The following RBMS3 variants were observed in gnomAD, a reference collection of about 807,000 sequenced individuals.
RBMS3 encodes RNA-binding motif, single-stranded-interacting protein 3.
A neutral mutation model predicts 66.8 loss-of-function variants in RBMS3; 27 were observed. The observed-to-expected ratio is 0.40, with a 90% confidence interval of 0.30 to 0.56. The LOEUF is 0.56. Among genes scored for constraint, RBMS3 ranks in the 20% least tolerant of loss-of-function variants. The pLI, the probability that RBMS3 is intolerant of heterozygous loss-of-function variation, is 0.40. For missense variants in RBMS3, 513 were observed against 549.5 expected, an observed-to-expected ratio of 0.93 and a Z score of 0.66; for synonymous variants, 188 against 183.0, an observed-to-expected ratio of 1.03 and a Z score of -0.22.
intron 6 of RBMS3, among the ~76,000 whole-genome samples, chr3:29,782,159 TATCC>T (rs1229745240): frequency 1.3e-5 from 2 of 152,096 alleles, no homozygotes; most frequent in East Asian, 3.9e-4. Context: ...GGCAAGTTTG[TATCC>T]TTATAGGACC....
intron 1 of RBMS3, among the ~76,000 whole-genome samples, chr3:29,369,062 C>A (rs2038053750): frequency 6.6e-6 from 1 of 152,014 alleles, no homozygotes; most frequent in South Asian, 2.1e-4. Context: ...AAAGCAGGAA[C>A]AACAAGCCAA....
chr3:29,738,463 AATTC>A (rs1306232676), intron 4 of RBMS3, among the ~76,000 whole-genome samples: 20 of 152,196 alleles, frequency 1.3e-4, no homozygotes, highest in Non-Finnish European at 2.4e-4. Flanking sequence ...CTAAATTATT[AATTC>A]ATTATATAAA....
At chr3:29,923,232 A>G (rs1028523947) in intron 10 of RBMS3, among the ~76,000 whole-genome samples, 4 of 152,186 alleles carry the variant, frequency 2.6e-5, no homozygotes, top group Non-Finnish European at 5.9e-5. Context: ...CAGTGAAGTC[A>G]CAGGAATGGA....
chr3:29,898,999 T>C (rs1245856499), intron 9 of RBMS3, among the ~76,000 whole-genome samples: 1 of 151,644 alleles, frequency 6.6e-6, no homozygotes, highest in Non-Finnish European at 1.5e-5. Context: ...CCAAAGTGTT[T>C]TGGCAATTCT....
At chr3:29,358,724 A>T (rs930050256) in intron 1 of RBMS3, among the ~76,000 whole-genome samples, 2 of 152,092 alleles carry the variant, frequency 1.3e-5, no homozygotes, top group African/African-American at 4.8e-5. Context: ...TATTTGGTTG[A>T]GCAGTGGTTT....
At chr3:29,423,402 T>C (rs1045474188) in intron 1 of RBMS3, among the ~76,000 whole-genome samples, 2 of 152,200 alleles carry the variant, frequency 1.3e-5, no homozygotes, top group South Asian at 4.1e-4. Context: ...GCATGTTTGG[T>C]CAGGGGAGGT....
At chr3:29,855,162 A>G (rs1193640885) in intron 6 of RBMS3, among the ~76,000 whole-genome samples, 1 of 152,130 alleles carries the variant, frequency 6.6e-6, no homozygotes. Context: ...TTTGGGATTG[A>G]GTGTTCAGTG....
rs1049233158 is a variant in RBMS3 at position 29,550,200 on chromosome 3, G to A, written c.308-36914G>A. Among the ~76,000 whole-genome samples the A allele has an allele frequency of 2.0e-5, 3 of 152,100 alleles. No homozygotes were observed. The South Asian group carries it at 6.2e-4, about 31-fold the overall frequency. On this transcript the variant is annotated intron_variant, in intron 3 of 14. Transcript: ENST00000383767. ...CAGTAACATTTCAGTTTTTTTCTGTGAATTCAAGGAACATTTATTTCTCAC... is the reference window on the plus strand; with the variant it reads ...CAGTAACATTTCAGTTTTTTTCTGTAAATTCAAGGAACATTTATTTCTCAC...
chr3:29,788,321 G>C (rs2056892965), intron 6 of RBMS3, among the ~76,000 whole-genome samples: 1 of 151,884 alleles, frequency 6.6e-6, no homozygotes, highest in African/African-American at 2.4e-5. Flanking sequence ...CGCCTCCCTG[G>C]TTCAAGTGAT....
At chr3:29,497,415 T>C (rs2043796085) in intron 3 of RBMS3, among the ~76,000 whole-genome samples, 2 of 152,230 alleles carry the variant, frequency 1.3e-5, no homozygotes, top group African/African-American at 4.8e-5. Context: ...CTTTTACTAA[T>C]CCATGTTATC....
At chr3:29,928,211 T>TATATATATATATAC (rs1291440563) in intron 10 of RBMS3, among the ~76,000 whole-genome samples, 61 of 93,482 alleles carry the variant, frequency 6.5e-4, no homozygotes, top group East Asian at 2.5e-3. Flanking sequence ...TATATATATA[T>TATATATATATATAC]ACACACACAC....
chr3:29,891,712 G>A (rs1294486468), intron 8 of RBMS3, among the ~76,000 whole-genome samples: 1 of 151,310 alleles, frequency 6.6e-6, no homozygotes, highest in Non-Finnish European at 1.5e-5. Context: ...GAAAAAGAAT[G>A]TTTTCTATAG....
At chr3:29,906,881 C>T (rs1042173317) in intron 10 of RBMS3, among the ~76,000 whole-genome samples, 3 of 151,976 alleles carry the variant, frequency 2.0e-5, no homozygotes, top group Non-Finnish European at 4.4e-5. Flanking sequence ...TGTGTATATA[C>T]CATTTACCAA....
At chr3:29,875,822 C>T (rs1206872871) in intron 7 of RBMS3, among the ~76,000 whole-genome samples, 1 of 152,134 alleles carries the variant, frequency 6.6e-6, no homozygotes, top group Non-Finnish European at 1.5e-5. Flanking sequence ...TAGTCTTTCT[C>T]AGGCTTCCAG....
At chr3:29,514,671 A>ATG in intron 3 of RBMS3, among the ~76,000 whole-genome samples, 1 of 144,230 alleles carries the variant, frequency 6.9e-6, no homozygotes, top group Non-Finnish European at 1.5e-5. Flanking sequence ...ATATATATAT[A>ATG]TATATATATG....
chr3:29,795,316 G>A (rs2057145666), intron 6 of RBMS3, among the ~76,000 whole-genome samples: 2 of 152,182 alleles, frequency 1.3e-5, no homozygotes, highest in Non-Finnish European at 2.9e-5. Flanking sequence ...CTTTGGAAGT[G>A]TATCAGAGAT....
At chr3:29,674,345 A>G (rs2051140312) in intron 4 of RBMS3, among the ~76,000 whole-genome samples, 1 of 152,198 alleles carries the variant, frequency 6.6e-6, no homozygotes. Context: ...AACTGGCACA[A>G]GACAGGGATG....
Position 29,578,790 on chromosome 3 carries a change from C to CTTTTTTTTTTTTTTTTTTTTTT in RBMS3, c.308-8323_308-8302dup, listed in dbSNP as rs1185861167. On this transcript the variant is annotated intron_variant, in intron 3 of 14. Transcript: ENST00000383767. ...AAAGAATCACAGGTAATACATGCTTCTTTTTTTTTTTTTTTTTTTTTTGAG... is the reference window on the plus strand; with the variant it reads ...AAAGAATCACAGGTAATACATGCTTCTTTTTTTTTTTTTTTTTTTTTTTTTTTTTTTTTTTTTTTTTTTTGAG... 1.7e-4 allele frequency among the ~76,000 whole-genome samples: 17 copies of CTTTTTTTTTTTTTTTTTTTTTT among 101,062 alleles called. 2 individuals are homozygous for CTTTTTTTTTTTTTTTTTTTTTT. The highest frequency in any genetic ancestry group is 5.0e-4 in the African/African-American group (11 of 22,046). The allele number at this position is 101,062 out of a possible 152,430, so 66.3% of individuals were successfully genotyped here. A position where few individuals can be genotyped will look rare whatever the true frequency, so the allele number is the denominator to read the frequency against.
chr3:29,746,287 C>T (rs971819539), intron 5 of RBMS3, among the ~76,000 whole-genome samples: 5 of 152,134 alleles, frequency 3.3e-5, no homozygotes, highest in African/African-American at 1.2e-4. Context: ...ATTTCTCCCT[C>T]GCTATTTTGG....
Sources: allele counts gnomAD v4.1 joint callset (sites outside exome capture counted in the v4.1 genomes callset), GRCh38; gene constraint gnomAD v4.1.1; transcripts MANE v1.5; gene names NCBI Gene and HGNC (gene_info 2026-07-23, HGNC 2026-07-21).